Variants in USP3 observed in about 807,000 individuals in gnomAD.
The protein encoded by USP3 is ubiquitin specific peptidase 3.
A neutral mutation model predicts 72.3 loss-of-function variants in USP3; 20 were observed. The ratio of observed to expected loss-of-function variants is 0.28; its 90% CI spans 0.19 to 0.40. The LOEUF is 0.40. Among genes scored for constraint, USP3 ranks in the 10% least tolerant of loss-of-function variants. The probability of loss-of-function intolerance (pLI) is 1.00; values close to 1 mark genes in which losing one functional copy is unlikely to be tolerated. For synonymous variants in USP3, 222 were observed against 225.3 expected, an observed-to-expected ratio of 0.99 and a Z score of 0.13; for missense variants, 479 against 633.9, an observed-to-expected ratio of 0.76 and a Z score of 2.62.
intron 7 of USP3, among the ~76,000 whole-genome samples, chr15:63,561,147 G>A (rs62012768): frequency 0.12 from 18,832 of 152,074 alleles, 1,584 homozygotes; most frequent in South Asian, 0.19. Flanking sequence ...AGTTGAAAGT[G>A]CCTGCATTCA....
chr15:63,545,352 T>C (rs2066304707), intron 3 of USP3, among the ~76,000 whole-genome samples: 1 of 152,208 alleles, frequency 6.6e-6, no homozygotes, highest in Admixed American at 6.5e-5. Flanking sequence ...GTACATTTAA[T>C]TAGGAGTTTA....
At position 63,529,736 on chromosome 15, in the gene USP3, C is replaced by G. The variant is rs2066039723; in HGVS notation, c.92-2911C>G. 6.6e-6 allele frequency among the ~76,000 whole-genome samples: 1 copy of G among 152,044 alleles called. No homozygotes were observed. The highest frequency in any genetic ancestry group is 2.4e-5 in the African/African-American group (1 of 41,370). ...AAGGAACACTTGGTAGGAAACATAC[C>G]CAAAGCAAAGTCACAGGGATTCTGC... is the stretch of plus-strand genomic sequence containing the variant. On this transcript the variant is annotated intron_variant, in intron 1 of 14. Coordinates refer to ENST00000380324, the MANE Select transcript of USP3 (RefSeq NM_006537.4). This position sits in a 1 kb window ranked among gnomAD's most constrained non-coding sequence, Gnocchi z 4.2.
Position 63,559,909 on chromosome 15 carries a change from A to C in USP3, c.586A>C (p.Arg196=), listed in dbSNP as rs1309965707. The C allele has an allele frequency of 3.7e-6, 6 of 1,614,128 alleles. No individual in the cohort carries two copies. The highest frequency in any genetic ancestry group is 5.1e-6 in the Non-Finnish European group (6 of 1,179,982). ...CAAAGAACTGCCCGCCGTGGAGTTA[A>C]GGAATGGGAAAACAGCAGGAAGGCG... ...YFKELPAVEL[R]NGKTAGRRTY... Residue 196 remains arginine (R), a synonymous_variant, in exon 7 of 15, where the codon AGG becomes CGG. Coordinates refer to ENST00000380324, the MANE Select transcript of USP3 (RefSeq NM_006537.4).
intron 11 of USP3, among the ~76,000 whole-genome samples, chr15:63,578,745 G>A (rs1482783945): frequency 6.6e-6 from 1 of 152,166 alleles, no homozygotes; most frequent in African/African-American, 2.4e-5. Flanking sequence ...GAATAAGCCA[G>A]GAGGCCTACT....
At chr15:63,572,551 C>T (rs1312675032) in intron 9 of USP3, among the ~76,000 whole-genome samples, 1 of 152,064 alleles carries the variant, frequency 6.6e-6, no homozygotes, top group Non-Finnish European at 1.5e-5. Flanking sequence ...AATAAAGTTA[C>T]AGCCTATTTA....
chr15:63,571,032 C>T (rs910315669), intron 9 of USP3, among the ~76,000 whole-genome samples: 6 of 152,060 alleles, frequency 3.9e-5, no homozygotes, highest in African/African-American at 1.5e-4. Context: ...TTAATGAAAT[C>T]GAGGCATTTG....
intron 7 of USP3, among the ~76,000 whole-genome samples, 188 bp downstream of exon 7, chr15:63,560,158 G>A (rs970393649): frequency 5.9e-5 from 9 of 152,122 alleles, no homozygotes; most frequent in Admixed American, 5.9e-4. Context: ...GGTGGCTCAC[G>A]CCTGTTATCC....
intron 11 of USP3, among the ~76,000 whole-genome samples, chr15:63,586,125 C>T (rs919138536): frequency 2.0e-5 from 3 of 152,182 alleles, no homozygotes; most frequent in Admixed American, 6.5e-5. Flanking sequence ...ATCATGTGAT[C>T]TGTCAGCAGA....
intron 3 of USP3, among the ~76,000 whole-genome samples, chr15:63,545,661 G>C (rs952562647): frequency 6.6e-6 from 1 of 151,636 alleles, no homozygotes; most frequent in Admixed American, 6.6e-5. Flanking sequence ...CTGACAAAAA[G>C]TCCGTCAGAA....
intron 1 of USP3, among the ~76,000 whole-genome samples, chr15:63,509,074 A>T (rs2065749700): frequency 6.6e-6 from 1 of 152,200 alleles, no homozygotes; most frequent in South Asian, 2.1e-4. Flanking sequence ...TAATGGACTG[A>T]TCAGGTTGTG....
intron 1 of USP3, among the ~76,000 whole-genome samples, chr15:63,507,688 T>A (rs950745516): frequency 6.6e-6 from 1 of 152,244 alleles, no homozygotes; most frequent in African/African-American, 2.4e-5. Context: ...GAGCTTCTTA[T>A]CCATGGAAGG....
Position 63,562,887 on chromosome 15 carries a change from T to C in USP3, c.648-8T>C. On this transcript the variant is annotated splice_polypyrimidine_tract_variant and splice_region_variant and intron_variant, in intron 7 of 14. Transcript: ENST00000380324. ...AATCTGAGGGCACTGTCCTTTCCTC[T>C]TTTGCAGGTCTTTGGTAGAAGAGTT... 1 of 1,596,324 alleles carries C rather than the reference T, an allele frequency of 6.3e-7. No individual in the cohort carries two copies. The highest frequency in any genetic ancestry group is 2.2e-5 in the East Asian group (1 of 44,626).
chr15:63,510,097 A>G (rs1308826038), intron 1 of USP3, among the ~76,000 whole-genome samples: 2 of 152,158 alleles, frequency 1.3e-5, no homozygotes, highest in Admixed American at 1.3e-4. Flanking sequence ...CTTTTTCCTC[A>G]TTGAAATGTA....
intron 11 of USP3, among the ~76,000 whole-genome samples, chr15:63,580,923 C>T (rs939269700): frequency 2.0e-5 from 3 of 151,778 alleles, no homozygotes; most frequent in Non-Finnish European, 4.4e-5. Flanking sequence ...ATTCTCCTGC[C>T]TCAGCCTCCC....
At position 63,570,666 on chromosome 15, in the gene USP3, A is replaced by G. The variant is rs770754901; in HGVS notation, c.908+87A>G. The G allele has an allele frequency of 6.6e-7, 1 of 1,520,514 alleles. No homozygotes were observed. The highest frequency in any genetic ancestry group is 8.8e-7 in the Non-Finnish European group (1 of 1,135,924). 94.2% of individuals were successfully genotyped at this position (1,520,514 alleles called of 1,614,324 possible). A position where few individuals can be genotyped will look rare whatever the true frequency, so the allele number is the denominator to read the frequency against. On this transcript the variant is annotated intron_variant, in intron 9 of 14. Coordinates refer to ENST00000380324, the MANE Select transcript of USP3 (RefSeq NM_006537.4). This position sits in a 1 kb window ranked among gnomAD's most constrained non-coding sequence, Gnocchi z 4.4. ...ATGTGTTAGATTTATAACGGAAGGT[A>G]GAGGGGTTTCTTGGACATTTGCTGG...
intron 7 of USP3, 35 bp from the exon 8 acceptor site, chr15:63,562,860 C>CGAT (rs778793721): frequency 1.4e-6 from 2 of 1,436,690 alleles, no homozygotes; most frequent in Non-Finnish European, 1.9e-6. Context: ...TAGCCTCTCA[C>CGAT]TAATCTGAGG....
At position 63,504,948 on chromosome 15, in the gene USP3, G is replaced by A. The variant is rs1029770778; in HGVS notation, c.91+118G>A. 9 of 696,258 alleles carry A rather than the reference G, an allele frequency of 1.3e-5. No homozygotes were observed. In the African/African-American group the frequency reaches 1.7e-4, roughly 13 times the overall value. The allele number at this position is 696,258 out of a possible 1,614,324, so 43.1% of individuals were successfully genotyped here. A position where few individuals can be genotyped will look rare whatever the true frequency, so the allele number is the denominator to read the frequency against. ...ACTCGGGGAGGGGCGAGGGCGAGCC[G>A]GGCCCGGCGGGCTGGGGAGGGTACG... is the stretch of plus-strand genomic sequence containing the variant. On this transcript the variant is annotated intron_variant, in intron 1 of 14. Coordinates refer to ENST00000380324, the MANE Select transcript of USP3 (RefSeq NM_006537.4).
chr15:63,530,135 TCAAAA>T (rs1444389274), intron 1 of USP3, among the ~76,000 whole-genome samples: 2 of 152,052 alleles, frequency 1.3e-5, no homozygotes, highest in African/African-American at 4.8e-5. Context: ...AGACCCTTTC[TCAAAA>T]CAAAACAAAA....
chr15:63,571,680 CTT>C (rs141212817), intron 9 of USP3, among the ~76,000 whole-genome samples: 18,855 of 152,142 alleles, frequency 0.12, 1,584 homozygotes, highest in South Asian at 0.2. Flanking sequence ...GGGTATATGT[CTT>C]TATGATTTTA....
Sources: gnomAD v4.1 joint callset for allele counts (sites outside exome capture counted in the v4.1 genomes callset) on GRCh38, gnomAD v4.1.1 for gene constraint, Gnocchi (gnomAD v3.1) non-coding constraint, MANE v1.5 for transcripts, NCBI Gene and HGNC (gene_info 2026-07-23, HGNC 2026-07-21) for gene names.